Variants in TRIO observed in about 807,000 individuals in gnomAD.
The protein encoded by TRIO is triple functional domain protein.
A neutral mutation model predicts 351.9 loss-of-function variants in TRIO; 58 were observed. That is an observed-to-expected ratio of 0.16 (90% confidence interval 0.13 to 0.21). The LOEUF (loss-of-function observed/expected upper bound fraction) is 0.21, where lower values mean the gene tolerates loss of function less well. Among genes scored for constraint, TRIO ranks in the 10% least tolerant of loss-of-function variants. TRIO has a pLI of 1.00. For synonymous variants in TRIO, 1,758 were observed against 1,595.7 expected (o/e 1.10, Z -2.42); for missense variants, 3,201 against 4,027.8 (o/e 0.79, Z 5.56).
At chr5:14,473,903 C>A in intron 39 of TRIO, 91 bp from the exon 40 acceptor site, 1 of 1,254,196 alleles carries the variant, frequency 8.0e-7, no homozygotes, top group Non-Finnish European at 1.1e-6. Context: ...TGCATGTGTC[C>A]ATTTTGCCCT....
chr5:14,507,424 C>T (rs972215260), intron 56 of TRIO, among the ~76,000 whole-genome samples, 164 bp downstream of exon 56: 3 of 146,972 alleles, frequency 2.0e-5, no homozygotes, highest in Non-Finnish European at 3.0e-5. Context: ...TCTCTCTAAG[C>T]GTTTGCGTTC....
At chr5:14,288,188 A>G (rs545245763) in intron 4 of TRIO, among the ~76,000 whole-genome samples, 1 of 152,330 alleles carries the variant, frequency 6.6e-6, no homozygotes, top group African/African-American at 2.4e-5. Context: ...TTGAAAGTGC[A>G]TTGTATTTAA....
At chr5:14,326,263 A>G (rs763373328) in intron 9 of TRIO, among the ~76,000 whole-genome samples, 17 of 152,206 alleles carry the variant, frequency 1.1e-4, no homozygotes, top group Admixed American at 2.0e-4. Flanking sequence ...TTGCTGGTCA[A>G]ATGACCGTAA....
chr5:14,476,803 A>AT, intron 40 of TRIO, 91 bp from the exon 41 acceptor site: 2 of 1,143,974 alleles, frequency 1.7e-6, no homozygotes, highest in Non-Finnish European at 2.5e-6. Flanking sequence ...AAAAAAAAAA[A>AT]GAAAAAAAGA....
rs777497127 is a variant in TRIO, at chr5:14,394,143, C to T, written c.4311+13C>T. 2.0e-5 allele frequency: 30 copies of T among 1,503,604 alleles called. 1 individual carries two copies. Among genetic ancestry groups the T allele is most frequent in the South Asian group, 3.7e-5 (3 of 81,032 alleles). The allele number at this position is 1,503,604 out of a possible 1,614,324, so 93.1% of individuals were successfully genotyped here. A position where few individuals can be genotyped will look rare whatever the true frequency, so the allele number is the denominator to read the frequency against. The stretch of plus-strand genomic sequence containing the variant: ...GCTCCTTTTAAAAGTATGTATAATG[C>T]GTCTTCAGCCTGTGAAATTTTATGA... On this transcript the variant is annotated intron_variant, in intron 28 of 56. Coordinates refer to ENST00000344204, the MANE Select transcript of TRIO (RefSeq NM_007118.4).
At position 14,492,654 on chromosome 5, in the gene TRIO, C is replaced by A; in HGVS notation, c.7720C>A (p.Gln2574Lys). Residue 2574 changes from glutamine (Q) to lysine (K), a missense_variant, in exon 49 of 57, where the codon CAA becomes AAA. Physicochemically the swap from Gln to Lys is moderately conservative, Grantham distance 53. Around this residue, in one of 19 missense-constraint regions of TRIO, gnomAD observed 1,089 missense variants for 954.9 expected, o/e 1.14. Transcript: ENST00000344204. Reference protein sequence around the residue: ...AVKEDEINVYQGEVVQILASN... With the variant: ...AVKEDEINVYKGEVVQILASN... The stretch of plus-strand genomic sequence containing the variant: ...GAAGGAGGATGAGATCAACGTCTAC[C>A]AAGGAGAGGTCGTTCAAATTCTGGC... The A allele has an allele frequency of 6.2e-7, 1 of 1,614,162 alleles. No individual in the cohort carries two copies. The highest frequency in any genetic ancestry group is 8.5e-7 in the Non-Finnish European group (1 of 1,180,024).
chr5:14,328,552 A>C (rs930049122), intron 9 of TRIO, among the ~76,000 whole-genome samples: 8 of 152,270 alleles, frequency 5.3e-5, no homozygotes, highest in African/African-American at 1.4e-4. Flanking sequence ...TCTAGTTAAA[A>C]TAATGTACCG....
At chr5:14,340,272 C>T (rs1741825573) in intron 11 of TRIO, among the ~76,000 whole-genome samples, 1 of 151,990 alleles carries the variant, frequency 6.6e-6, no homozygotes, top group Non-Finnish European at 1.5e-5. Flanking sequence ...TGGCGGGCGC[C>T]TGTAGTCCCA....
intron 1 of TRIO, among the ~76,000 whole-genome samples, chr5:14,196,154 C>G (rs1487899532): frequency 6.6e-6 from 1 of 152,066 alleles, no homozygotes; most frequent in Non-Finnish European, 1.5e-5. Flanking sequence ...GGCATGGTGG[C>G]TCATGTCTGT....
intron 9 of TRIO, among the ~76,000 whole-genome samples, 189 bp downstream of exon 9, chr5:14,316,932 C>G (rs1024118988): frequency 6.6e-6 from 1 of 152,206 alleles, no homozygotes; most frequent in East Asian, 1.9e-4. Context: ...CAGCCAGTAG[C>G]TCCTGTGCAC....
chr5:14,367,124 C>A, intron 16 of TRIO, 145 bp downstream of exon 16: 1 of 1,155,670 alleles, frequency 8.7e-7, no homozygotes, highest in Admixed American at 2.7e-5. Context: ...GGCAACGCTT[C>A]TAAGTCTGCA....
intron 1 of TRIO, among the ~76,000 whole-genome samples, chr5:14,216,546 T>C (rs926950523): frequency 6.6e-6 from 1 of 152,230 alleles, no homozygotes; most frequent in Non-Finnish European, 1.5e-5. Context: ...GTCTTAGAAA[T>C]AACTTGTGGT....
chr5:14,229,704 T>C (rs1218466108), intron 1 of TRIO, among the ~76,000 whole-genome samples: 1 of 152,224 alleles, frequency 6.6e-6, no homozygotes, highest in Non-Finnish European at 1.5e-5. Flanking sequence ...TGATACATTG[T>C]GTAACGCTCA....
chr5:14,270,563 A>G (rs1795922250), intron 1 of TRIO, among the ~76,000 whole-genome samples: 1 of 152,204 alleles, frequency 6.6e-6, no homozygotes. Flanking sequence ...TTTGGGACCA[A>G]GTTGTTATTG....
chr5:14,391,073 T>G (rs756056175), intron 27 of TRIO, 83 bp downstream of exon 27: 124 of 1,024,018 alleles, frequency 1.2e-4, no homozygotes, highest in Non-Finnish European at 1.6e-4. Context: ...TTCACCTAAT[T>G]GATAGTACAA....
intron 1 of TRIO, among the ~76,000 whole-genome samples, chr5:14,157,958 T>C (rs1178273388): frequency 6.6e-6 from 1 of 152,122 alleles, no homozygotes; most frequent in African/African-American, 2.4e-5. Flanking sequence ...CAGTCTCAGT[T>C]TCATATATTA....
chr5:14,438,411 C>T (rs544833370), intron 34 of TRIO, among the ~76,000 whole-genome samples: 2 of 152,362 alleles, frequency 1.3e-5, no homozygotes, highest in East Asian at 3.9e-4. Context: ...ACCTCATTGT[C>T]CCCTTTCTCA....
chr5:14,314,817 G>C (rs165088), intron 8 of TRIO, among the ~76,000 whole-genome samples: 151,957 of 152,358 alleles, frequency 1, 75,779 homozygotes, highest in Middle Eastern at 1. Context: ...CAAATGAGAA[G>C]CCTGCTTGAG....
At chr5:14,183,798 AT>A in intron 1 of TRIO, 1 of 599,052 alleles carries the variant, frequency 1.7e-6, no homozygotes, top group South Asian at 1.8e-5. Flanking sequence ...CTCACTGCCC[AT>A]TTGGGATATC....
Sources: allele counts gnomAD v4.1 joint callset (sites outside exome capture counted in the v4.1 genomes callset), GRCh38; gene constraint gnomAD v4.1.1; regional missense constraint gnomAD v4.1.1; transcripts MANE v1.5; gene names NCBI Gene and HGNC (gene_info 2026-07-23, HGNC 2026-07-21).